Variants in DENND2A observed in about 807,000 individuals in gnomAD.
DENND2A encodes the protein DENN domain-containing protein 2A.
DENND2A carries 53 observed loss-of-function variants against 105.3 expected under a neutral mutation model. The ratio of observed to expected loss-of-function variants is 0.50; its 90% CI spans 0.40 to 0.63. The LOEUF (loss-of-function observed/expected upper bound fraction) is 0.63, where lower values mean the gene tolerates loss of function less well. DENND2A is among the 30% of genes least tolerant of loss of function. DENND2A has a pLI of 0.00. For synonymous variants in DENND2A, 522 were observed against 508.4 expected, an observed-to-expected ratio of 1.03 and a Z score of -0.36; for missense variants, 1,138 against 1,279.6, an observed-to-expected ratio of 0.89 and a Z score of 1.69.
intron 14 of DENND2A, among the ~76,000 whole-genome samples, chr7:140,530,680 G>A (rs1428661197): frequency 6.6e-6 from 1 of 151,582 alleles, no homozygotes. Flanking sequence ...CTTATATTAA[G>A]GAGAATACTA....
chr7:140,604,115 G>T (rs1585739423), intron 2 of DENND2A, among the ~76,000 whole-genome samples: 1 of 152,178 alleles, frequency 6.6e-6, no homozygotes, highest in Non-Finnish European at 1.5e-5. Flanking sequence ...AACACCTCAC[G>T]GTGCCCATTT....
chr7:140,587,476 C>A (rs1294675286), intron 4 of DENND2A, among the ~76,000 whole-genome samples, 177 bp downstream of exon 4: 3 of 152,102 alleles, frequency 2.0e-5, no homozygotes, highest in African/African-American at 7.2e-5. Context: ...GTCATATATC[C>A]CACAAGGCTC....
chr7:140,615,147 G>A lies in DENND2A; in HGVS notation c.-247-9341C>T, dbSNP rs563250022. Among the ~76,000 whole-genome samples, 14 of 152,276 alleles carry A rather than the reference G, an allele frequency of 9.2e-5. 1 individual carries two copies. The highest frequency in any genetic ancestry group is 1.2e-4 in the African/African-American group (5 of 41,576). ...CTTCCAAAGTGCTGGGATTACAGGC[G>A]TGAGCCACTGCACCTAGCCAATGAA... On this transcript the variant is annotated intron_variant, in intron 1 of 19. Coordinates refer to ENST00000496613, the MANE Select transcript of DENND2A (RefSeq NM_015689.5).
intron 14 of DENND2A, among the ~76,000 whole-genome samples, chr7:140,534,761 G>C (rs777380512): frequency 3.9e-5 from 6 of 152,198 alleles, no homozygotes; most frequent in Non-Finnish European, 7.3e-5. Flanking sequence ...GACATAGAAA[G>C]AGAGTCCTCA....
chr7:140,635,510 C>T (rs1043672994), intron 1 of DENND2A, among the ~76,000 whole-genome samples: 12 of 152,204 alleles, frequency 7.9e-5, no homozygotes, highest in African/African-American at 2.9e-4. Context: ...AAGGTTGCGG[C>T]TCCCTGTACT....
At chr7:140,624,855 TTTGTTTTTTTTTG>T (rs1800452709) in intron 1 of DENND2A, among the ~76,000 whole-genome samples, 2 of 142,936 alleles carry the variant, frequency 1.4e-5, no homozygotes, top group African/African-American at 5.9e-5. Flanking sequence ...CTTTGTTTTT[TTTGTTTTTTTTTG>T]TTTTTTTTTT....
intron 5 of DENND2A, among the ~76,000 whole-genome samples, chr7:140,584,020 T>C (rs1798667827): frequency 6.8e-6 from 1 of 147,228 alleles, no homozygotes; most frequent in African/African-American, 2.6e-5. Flanking sequence ...GGCGGGCGGA[T>C]CACTTGAGGT....
rs375224965 is a variant in DENND2A, at chr7:140,587,539, A to AGT, written c.1123+112_1123+113dup. 503 of 1,353,008 alleles carry AGT rather than the reference A, an allele frequency of 3.7e-4. 2 individuals carry two copies. In the African/African-American group the frequency reaches 4.1e-3, roughly 11 times the overall value. 83.8% of individuals were successfully genotyped at this position (1,353,008 alleles called of 1,614,324 possible). ...TCATCCGAGTGCACAGGTGTCTTCAAGTGTGTGTGTGTGTACATGTGTGTG... is the reference window on the plus strand; with the variant it reads ...TCATCCGAGTGCACAGGTGTCTTCAAGTGTGTGTGTGTGTGTACATGTGTGTG... On this transcript the variant is annotated intron_variant, in intron 4 of 19. Transcript: ENST00000496613.
chr7:140,568,624 C>T, intron 8 of DENND2A, 139 bp downstream of exon 8: 1 of 803,658 alleles, frequency 1.2e-6, no homozygotes. Context: ...CCCTGTGGCC[C>T]CACTGTCTCC....
chr7:140,586,885 C>T (rs947722518), intron 4 of DENND2A, among the ~76,000 whole-genome samples: 16 of 152,088 alleles, frequency 1.1e-4, no homozygotes, highest in African/African-American at 3.6e-4. Flanking sequence ...TGCCCCTCAC[C>T]AGCACACACA....
At chr7:140,590,574 A>G (rs1193705520) in intron 3 of DENND2A, among the ~76,000 whole-genome samples, 1 of 151,842 alleles carries the variant, frequency 6.6e-6, no homozygotes, top group Non-Finnish European at 1.5e-5. Context: ...ATGCTAATAT[A>G]AGAGCTCAGG....
chr7:140,533,271 G>A (rs937791263), intron 14 of DENND2A, among the ~76,000 whole-genome samples: 9 of 152,098 alleles, frequency 5.9e-5, no homozygotes, highest in African/African-American at 1.9e-4. Context: ...GATTACAGGC[G>A]TGAGCCACTG....
intron 12 of DENND2A, among the ~76,000 whole-genome samples, chr7:140,555,155 A>G (rs1020015384): frequency 1.4e-5 from 2 of 141,386 alleles, no homozygotes; most frequent in Admixed American, 7.2e-5. Context: ...TTTTTTTGAG[A>G]CGGAGTCTCA....
At chr7:140,621,995 G>A (rs1169401027) in intron 1 of DENND2A, among the ~76,000 whole-genome samples, 2 of 152,188 alleles carry the variant, frequency 1.3e-5, no homozygotes, top group Non-Finnish European at 2.9e-5. Context: ...GGATTTCTTT[G>A]TAGGGGTCAA....
intron 17 of DENND2A, among the ~76,000 whole-genome samples, 180 bp from the exon 18 acceptor site, chr7:140,522,280 T>A (rs928396319): frequency 3.3e-5 from 5 of 152,258 alleles, no homozygotes; most frequent in Non-Finnish European, 5.9e-5. Context: ...CTTAATTTTT[T>A]AAATTTTAAA....
At chr7:140,584,771 G>A (rs1046271074) in intron 5 of DENND2A, among the ~76,000 whole-genome samples, 1 of 152,006 alleles carries the variant, frequency 6.6e-6, no homozygotes, top group Admixed American at 6.6e-5. Flanking sequence ...TGGGGATGGA[G>A]ATATTCTTAC....
chr7:140,601,055 T>A (rs1225486798), intron 3 of DENND2A, among the ~76,000 whole-genome samples: 1 of 152,214 alleles, frequency 6.6e-6, no homozygotes, highest in Non-Finnish European at 1.5e-5. Context: ...ATTCAAGCAC[T>A]GGTAGTTAGC....
chr7:140,527,051 C>G lies in DENND2A; in HGVS notation c.2505+267G>C, dbSNP rs1365758173. Among the ~76,000 whole-genome samples, 7 of 152,166 alleles carry G rather than the reference C, an allele frequency of 4.6e-5. No homozygotes were observed. Among genetic ancestry groups the G allele is most frequent in the Non-Finnish European group, 1.0e-4 (7 of 68,026 alleles). ...ATTAATGACTTAAGAGTTTTGACAT[C>G]TGGCTAAATTGTTCATTGCTGACCT... On this transcript the variant is annotated intron_variant, in intron 15 of 19. Coordinates refer to ENST00000496613, the MANE Select transcript of DENND2A (RefSeq NM_015689.5). The surrounding 1 kb of genome is among the most constrained non-coding windows in gnomAD (Gnocchi z 4.9).
chr7:140,597,425 A>G (rs1167452338), intron 3 of DENND2A, among the ~76,000 whole-genome samples: 1 of 152,174 alleles, frequency 6.6e-6, no homozygotes, highest in Non-Finnish European at 1.5e-5. Flanking sequence ...CACAATAAAG[A>G]GCATACTTTA....
Sources: allele counts gnomAD v4.1 joint callset (sites outside exome capture counted in the v4.1 genomes callset), GRCh38; gene constraint gnomAD v4.1.1; non-coding constraint Gnocchi (gnomAD v3.1); transcripts MANE v1.5; gene names NCBI Gene and HGNC (gene_info 2026-07-23, HGNC 2026-07-21).